MUC17: variants seen among roughly 807,000 people sequenced by gnomAD.
MUC17 encodes the protein mucin 17, cell surface associated.
A neutral mutation model predicts 170.3 loss-of-function variants in MUC17; 190 were observed. The observed-to-expected ratio is 1.12, with a 90% CI of 0.99 to 1.26. MUC17 has a LOEUF of 1.26. Among genes scored for constraint, MUC17 ranks in the 50% most tolerant of loss-of-function variants. The pLI is 0.00. For missense variants in MUC17, 6,415 were observed against 5,530.0 expected (o/e 1.16, Z -5.08); for synonymous variants, 2,325 against 2,002.5 (o/e 1.16, Z -4.30).
Position 101,049,381 on chromosome 7 carries a change from C to T in MUC17, c.12721C>T (p.Arg4241Cys), listed in dbSNP as rs749795865. ...EYVGVNITKL[R>C]LGSVVVEHDV... ...TGTCGGGGTGAACATCACAAAGCTA[C>T]GGTAAGTGTCTGGGCCCTTGGGAAG... Residue 4241 changes from arginine (R) to cysteine (C), a missense_variant and splice_region_variant, in exon 6 of 13, where the codon CGT (arginine) becomes TGT (cysteine). Physicochemically the swap from Arg to Cys is radical, Grantham distance 180. Coordinates refer to ENST00000306151, the MANE Select transcript of MUC17 (RefSeq NM_001040105.2). The T allele has an allele frequency of 1.3e-5, 21 of 1,611,694 alleles. No homozygotes were observed. The highest frequency in any genetic ancestry group is 4.5e-5 in the East Asian group (2 of 44,882).
chr7:101,047,006 G>T (rs1794854326), intron 3 of MUC17, among the ~76,000 whole-genome samples: 1 of 151,582 alleles, frequency 6.6e-6, no homozygotes, highest in South Asian at 2.1e-4. Context: ...GCGTGAACCT[G>T]GGAGGCAGAG....
In MUC17 at chr7:101,058,098, G is replaced by A. The variant is rs1795080707; in HGVS notation, c.*54G>A. On this transcript the variant is annotated 3_prime_UTR_variant, in exon 13 of 13. Coordinates refer to ENST00000306151, the MANE Select transcript of MUC17 (RefSeq NM_001040105.2). ...GGAGATCCCAGTCCGGCTAAGCTTG[G>A]TGGAGCATTTTCCCATTGAGAGCCT... The A allele has an allele frequency of 3.9e-6, 6 of 1,551,204 alleles. No homozygotes were observed. Among genetic ancestry groups the A allele is most frequent in the East Asian group, 2.2e-5 (1 of 44,474 alleles).
rs1398219755 is a variant in MUC17 at position 101,039,336 on chromosome 7, C to T, written c.7920C>T (p.Val2640=). ...GTACTTCATTAACAAGTATACTTGT[C>T]AGCACCATGCCAGTGGCCAGTTCTG... ...EVSTSLTSIL[V]STMPVASSEA... Residue 2640 remains valine, a synonymous_variant, in exon 3 of 13, where the codon GTC becomes GTT. Transcript: ENST00000306151. 2 of 1,613,214 alleles carry T rather than the reference C, an allele frequency of 1.2e-6. No individual in the cohort carries two copies. Among genetic ancestry groups the T allele is most frequent in the African/African-American group, 1.3e-5 (1 of 74,864 alleles).
chr7:101,024,951 T>C (rs558462413), intron 1 of MUC17, among the ~76,000 whole-genome samples: 2 of 151,930 alleles, frequency 1.3e-5, no homozygotes, highest in African/African-American at 4.8e-5. Context: ...CTTAGGTGAC[T>C]GACCACGGCC....
intron 9 of MUC17, among the ~76,000 whole-genome samples, chr7:101,052,503 G>T (rs1329479141): frequency 1.3e-5 from 2 of 152,180 alleles, no homozygotes; most frequent in Non-Finnish European, 2.9e-5. Context: ...GGAAGAGGGG[G>T]TCACAAGCTG....
chr7:101,043,718 G>T lies in MUC17; in HGVS notation c.12302G>T (p.Arg4101Leu). 4.3e-6 allele frequency: 7 copies of T among 1,613,948 alleles called. No homozygotes were observed. The highest frequency in any genetic ancestry group is 5.9e-6 in the Non-Finnish European group (7 of 1,179,996). Residue 4101 changes from arginine to leucine, a missense_variant, in exon 3 of 13, where the codon CGG (arginine) becomes CTG (leucine). Physicochemically the swap from Arg to Leu is moderately radical, Grantham distance 102. Transcript: ENST00000306151. ...ACCACCAGGACAAAACCCAGCACAC[G>T]GACCACTTCCTTCCCCACGGTGACC... ...TMTTRTKPST[R>L]TTSFPTVTTT...
intron 1 of MUC17, among the ~76,000 whole-genome samples, chr7:101,030,798 C>T (rs147633451): frequency 6.6e-6 from 1 of 152,262 alleles, no homozygotes; most frequent in African/African-American, 2.4e-5. Flanking sequence ...TGCAGTAGTG[C>T]AATCATAGCT....
chr7:101,050,415 T>TTGCC, intron 6 of MUC17, 69 bp from the exon 7 acceptor site: 1 of 1,554,430 alleles, frequency 6.4e-7, no homozygotes, highest in Non-Finnish European at 8.7e-7. Flanking sequence ...AGGGTGAAGC[T>TTGCC]TGCCTGGTAC....
chr7:101,038,280 C>T lies in MUC17; in HGVS notation c.6864C>T (p.His2288=). ...CATTAACAAGTATACCTGTCAGCCA[C>T]ACGCTGGTGGCCAATTCTGAGGTTA... ...TTPLTSIPVS[H]TLVANSEVST... Residue 2288 remains histidine, a synonymous_variant, in exon 3 of 13, where the codon CAC becomes CAT. Transcript: ENST00000306151. 5 of 1,613,870 alleles carry T rather than the reference C, an allele frequency of 3.1e-6. No individual in the cohort carries two copies. Among genetic ancestry groups the T allele is most frequent in the East Asian group, 4.5e-5 (2 of 44,864 alleles).
chr7:101,034,170 T>A lies in MUC17; in HGVS notation c.2754T>A (p.Thr918=). The A allele has an allele frequency of 6.3e-7, 1 of 1,584,296 alleles. No individual in the cohort carries two copies. Among genetic ancestry groups the A allele is most frequent in the Non-Finnish European group, 8.6e-7 (1 of 1,163,982 alleles). ...TSEGTSMPTS[T]PGEGSTPLTS... is the part of the protein sequence containing the mutation. Reference sequence around the variant, plus strand: ...AAGGTACCAGCATGCCAACCTCAACTCCTGGGGAAGGAAGCACTCCATTAA... The same window carrying A: ...AAGGTACCAGCATGCCAACCTCAACACCTGGGGAAGGAAGCACTCCATTAA... The change falls in exon 3 of 13, where the codon ACT becomes ACA. Residue 918 remains threonine, a synonymous_variant. Transcript: ENST00000306151.
At chr7:101,025,398 T>C in intron 1 of MUC17, among the ~76,000 whole-genome samples, 1 of 147,978 alleles carries the variant, frequency 6.8e-6, no homozygotes, top group South Asian at 2.2e-4. Flanking sequence ...CATGGTGGCT[T>C]ACACCTGTAA....
At chr7:101,052,735 C>T (rs1794971922) in intron 9 of MUC17, among the ~76,000 whole-genome samples, 1 of 152,062 alleles carries the variant, frequency 6.6e-6, no homozygotes, top group Non-Finnish European at 1.5e-5. Flanking sequence ...TTGGGCCAAC[C>T]GTCCTAGGTC....
chr7:101,031,454 T>C (rs1794277229), intron 2 of MUC17, 147 bp from the exon 3 acceptor site: 1 of 1,062,738 alleles, frequency 9.4e-7, no homozygotes, highest in Non-Finnish European at 1.3e-6. Flanking sequence ...ACTAACACAC[T>C]GGAGAAACTA....
In MUC17 at chr7:101,023,328, G is replaced by A. The variant is rs1170520485; in HGVS notation, c.82+3111G>A. The stretch of plus-strand genomic sequence containing the variant: ...CAGCTCACAACAGAAAGGAATGAGG[G>A]GAGACCCTGCCGGGGTGGGGCATGA... On this transcript the variant is annotated intron_variant, in intron 1 of 12. Coordinates refer to ENST00000306151, the MANE Select transcript of MUC17 (RefSeq NM_001040105.2). 3.3e-5 allele frequency among the ~76,000 whole-genome samples: 5 copies of A among 152,252 alleles called. No homozygotes were observed. The South Asian group carries it at 6.2e-4, about 19-fold the overall frequency.
chr7:101,049,009 T>C (rs777307390), intron 5 of MUC17, 37 bp downstream of exon 5: 31 of 1,613,110 alleles, frequency 1.9e-5, no homozygotes, highest in African/African-American at 4.0e-5. Flanking sequence ...AGCTACTCAG[T>C]TCCCCCCAGA....
In MUC17 at chr7:101,040,643, C is replaced by T. The variant is rs763325754; in HGVS notation, c.9227C>T (p.Pro3076Leu). The T allele has an allele frequency of 1.1e-5, 18 of 1,612,590 alleles. 1 individual carries two copies. The highest frequency in any genetic ancestry group is 1.5e-5 in the Non-Finnish European group (18 of 1,179,226). The change falls in exon 3 of 13, where the codon CCT becomes CTT. Residue 3076 changes from proline (P) to leucine (L), a missense_variant. Pro to Leu is a moderately conservative substitution (Grantham distance 98). Coordinates refer to ENST00000306151, the MANE Select transcript of MUC17 (RefSeq NM_001040105.2). ...ACAACTCCTGTTGACTCCAACAGTC[C>T]TGTGGTCACTTCTACTGAAGTCAGT... Reference protein sequence around the residue: ...LSTTPVDSNSPVVTSTEVSSS... With the variant: ...LSTTPVDSNSLVVTSTEVSSS...
chr7:101,042,324 A>AT lies in MUC17; in HGVS notation c.10910dup (p.Leu3637PhefsTer15), dbSNP rs758480679. ...CAACTCCTAGTGAAGTAAGCACTCC[A>AT]TTAACCATTATGCCTGTCAGCACCA... On this transcript the variant is annotated frameshift_variant, in exon 3 of 13. Coordinates refer to ENST00000306151, the MANE Select transcript of MUC17 (RefSeq NM_001040105.2). LOFTEE classifies it high-confidence loss of function. 6.2e-7 allele frequency: 1 copy of AT among 1,613,958 alleles called. No homozygotes were observed. The highest frequency in any genetic ancestry group is 8.5e-7 in the Non-Finnish European group (1 of 1,179,978).
intron 1 of MUC17, 49 bp downstream of exon 1, chr7:101,020,266 C>T (rs777498664): frequency 2.0e-6 from 3 of 1,508,138 alleles, no homozygotes; most frequent in South Asian, 1.2e-5. Context: ...ATCCCAGGGG[C>T]CAGCCTGCTC....
intron 12 of MUC17, 67 bp downstream of exon 12, chr7:101,056,337 C>T (rs1584879507): frequency 6.3e-7 from 1 of 1,589,004 alleles, no homozygotes; most frequent in East Asian, 2.3e-5. Context: ...TCCTTTCCTA[C>T]ATGGTAGGAC....
Sources: gnomAD v4.1 joint callset for allele counts (sites outside exome capture counted in the v4.1 genomes callset) on GRCh38, gnomAD v4.1.1 for gene constraint, MANE v1.5 for transcripts, NCBI Gene and HGNC (gene_info 2026-07-23, HGNC 2026-07-21) for gene names.